The following ZC3H7A variants were observed in gnomAD, a reference collection of about 807,000 sequenced individuals.
The protein encoded by ZC3H7A is zinc finger CCCH domain-containing protein 7A.
A neutral mutation model predicts 125.5 loss-of-function variants in ZC3H7A; 44 were observed. That is an observed-to-expected ratio of 0.35 (90% CI 0.28 to 0.45). ZC3H7A has a LOEUF of 0.45. Ranked by LOEUF, ZC3H7A falls within the 20% of genes least tolerant of loss-of-function variation. ZC3H7A has a pLI of 1.00. For missense variants in ZC3H7A, 977 were observed against 1,170.7 expected (o/e 0.83, Z 2.41); for synonymous variants, 399 against 391.2 (o/e 1.02, Z -0.23).
chr16:11,781,374 G>A (rs773755901), intron 3 of ZC3H7A, 51 bp downstream of exon 3: 1 of 1,574,534 alleles, frequency 6.4e-7, no homozygotes, highest in Admixed American at 1.7e-5. Context: ...ACAAATTACA[G>A]TTCACAAGCC....
chr16:11,755,303 C>T (rs1015127715), intron 21 of ZC3H7A, among the ~76,000 whole-genome samples: 1 of 151,348 alleles, frequency 6.6e-6, no homozygotes, highest in Non-Finnish European at 1.5e-5. Context: ...GGGAGGGGAA[C>T]ATATGGGGTT....
chr16:11,795,826 T>G (rs2053428039), intron 1 of ZC3H7A, among the ~76,000 whole-genome samples: 1 of 152,150 alleles, frequency 6.6e-6, no homozygotes, highest in South Asian at 2.1e-4. Context: ...TTTTATTTGT[T>G]TGTTTTGAGA....
chr16:11,752,790 C>G lies in ZC3H7A; in HGVS notation c.2605G>C (p.Glu869Gln). 1 of 1,613,906 alleles carries G rather than the reference C, an allele frequency of 6.2e-7. No individual in the cohort carries two copies. The highest frequency in any genetic ancestry group is 8.5e-7 in the Non-Finnish European group (1 of 1,179,972). Reference protein sequence around the residue: ...CWMCGKNCNSEKQWQGHISSE... With the variant: ...CWMCGKNCNSQKQWQGHISSE... ...GAGATGTGGCCCTGCCACTGCTTCT[C>G]ACTGTTGCAGTTTTTCCCACACATC... is the stretch of plus-strand genomic sequence containing the variant. Residue 869 changes from glutamate to glutamine, a missense_variant, in exon 22 of 23, where the codon GAG becomes CAG. Physicochemically the swap from Glu to Gln is conservative, Grantham distance 29. Transcript: ENST00000355758.
rs2053087244 is a variant in ZC3H7A at position 11,776,743 on chromosome 16, T to G, written c.465+8A>C. 1.9e-6 allele frequency: 3 copies of G among 1,590,108 alleles called. No individual in the cohort carries two copies. Among genetic ancestry groups the G allele is most frequent in the Non-Finnish European group, 2.6e-6 (3 of 1,173,282 alleles). On this transcript the variant is annotated splice_region_variant and intron_variant, in intron 5 of 22. Transcript: ENST00000355758. Reference sequence around the variant, plus strand: ...ACGATGTAAACAAATAAACTATAAATTCCATACCTGAGGCACTGCTAAGGA... The same window carrying G: ...ACGATGTAAACAAATAAACTATAAAGTCCATACCTGAGGCACTGCTAAGGA...
intron 11 of ZC3H7A, among the ~76,000 whole-genome samples, 175 bp downstream of exon 11, chr16:11,768,856 G>A (rs928871297): frequency 2.6e-5 from 4 of 152,078 alleles, no homozygotes; most frequent in Non-Finnish European, 5.9e-5. Context: ...GACAGATCAA[G>A]TCTTAAACAC....
chr16:11,779,385 C>G, intron 3 of ZC3H7A, 22 bp from the exon 4 acceptor site: 1 of 1,596,538 alleles, frequency 6.3e-7, no homozygotes, highest in Non-Finnish European at 8.5e-7. Flanking sequence ...AAAGTTACCA[C>G]TTGAAGCCTT....
chr16:11,763,471 A>G lies in ZC3H7A; in HGVS notation c.2002+7T>C. 9.4e-6 allele frequency: 15 copies of G among 1,592,524 alleles called. No individual in the cohort carries two copies. The highest frequency in any genetic ancestry group is 1.3e-5 in the Non-Finnish European group (15 of 1,167,680). On this transcript the variant is annotated splice_region_variant and intron_variant, in intron 16 of 22. Transcript: ENST00000355758. Reference sequence around the variant, plus strand: ...GAGACATACTTCTCAGTCGCACTCAAACCTACCTGTTTCATTTTGCATTAT... The same window carrying G: ...GAGACATACTTCTCAGTCGCACTCAGACCTACCTGTTTCATTTTGCATTAT...
At chr16:11,796,026 TCTCA>T (rs968832036) in intron 1 of ZC3H7A, among the ~76,000 whole-genome samples, 10 of 152,044 alleles carry the variant, frequency 6.6e-5, no homozygotes, top group African/African-American at 2.2e-4. Context: ...GAGACAGGGG[TCTCA>T]CTATGTTGCT....
At position 11,751,464 on chromosome 16, in the gene ZC3H7A, A is replaced by C; in HGVS notation, c.2769T>G (p.Phe923Leu). Residue 923 changes from phenylalanine (F) to leucine (L), a missense_variant, in exon 23 of 23, where the codon TTT becomes TTG. Phe to Leu is a conservative substitution (Grantham distance 22). This residue lies in a region of ZC3H7A where 436 missense variants were observed against 603.2 expected (regional missense o/e 0.72). Transcript: ENST00000355758. The part of the protein sequence containing the change: ...GTCPEGNSCK[F>L]AHGNAELHEW... ...CATGAAGTTCGGCATTTCCATGTGC[A>C]AATTTACAGCTGTTTCCTTCTGGGC... 6.2e-7 allele frequency: 1 copy of C among 1,614,162 alleles called. No homozygotes were observed. Among genetic ancestry groups the C allele is most frequent in the Non-Finnish European group, 8.5e-7 (1 of 1,180,028 alleles).
rs2052570820 is a variant in ZC3H7A at position 11,752,589 on chromosome 16, G to C, written c.2726+80C>G. 3 of 1,516,978 alleles carry C rather than the reference G, an allele frequency of 2.0e-6. No homozygotes were observed. The South Asian group carries it at 3.8e-5, about 19-fold the overall frequency. 94.0% of individuals were successfully genotyped at this position (1,516,978 alleles called of 1,614,324 possible). On this transcript the variant is annotated intron_variant, in intron 22 of 22. Coordinates refer to ENST00000355758, the MANE Select transcript of ZC3H7A (RefSeq NM_014153.4). Reference sequence around the variant, plus strand: ...GCAACATTAGAACTTTAACACCCAGGTATTCCGTGTCAGCTGACATGTCCA... The same window carrying C: ...GCAACATTAGAACTTTAACACCCAGCTATTCCGTGTCAGCTGACATGTCCA...
Position 11,756,627 on chromosome 16 carries a change from G to A in ZC3H7A, c.2429-257C>T, listed in dbSNP as rs181561606. Reference sequence around the variant, plus strand: ...AATTAACCCCTCCCTGCATTTGCACGACACTTTGGGGATGTTTAAAACTCA... The same window carrying A: ...AATTAACCCCTCCCTGCATTTGCACAACACTTTGGGGATGTTTAAAACTCA... On this transcript the variant is annotated intron_variant, in intron 20 of 22. Coordinates refer to ENST00000355758, the MANE Select transcript of ZC3H7A (RefSeq NM_014153.4). Among the ~76,000 whole-genome samples the A allele has an allele frequency of 1.5e-3, 235 of 152,256 alleles. 2 individuals are homozygous for A. Among genetic ancestry groups the A allele is most frequent in the African/African-American group, 5.4e-3 (223 of 41,532 alleles).
chr16:11,758,358 C>T (rs1375013302), intron 20 of ZC3H7A, 73 bp downstream of exon 20: 2 of 1,096,462 alleles, frequency 1.8e-6, no homozygotes, highest in Non-Finnish European at 2.8e-6. Context: ...TCACAGGAAG[C>T]TGGCATATTT....
chr16:11,771,215 C>T (rs935063460), intron 9 of ZC3H7A, among the ~76,000 whole-genome samples: 1 of 152,108 alleles, frequency 6.6e-6, no homozygotes. Flanking sequence ...CGGTGAAACT[C>T]CATCTCCACT....
intron 11 of ZC3H7A, 105 bp downstream of exon 11, chr16:11,768,926 C>G: frequency 1.7e-6 from 2 of 1,169,692 alleles, no homozygotes; most frequent in Non-Finnish European, 2.4e-6. Flanking sequence ...CTGCAGCACA[C>G]ACAAAATTTA....
chr16:11,760,209 T>C (rs2141166761), intron 19 of ZC3H7A, among the ~76,000 whole-genome samples: 1 of 151,358 alleles, frequency 6.6e-6, no homozygotes, highest in Non-Finnish European at 1.5e-5. Flanking sequence ...TAAGCTACTG[T>C]AATGTTGCAC....
chr16:11,779,845 A>T (rs1223319094), intron 3 of ZC3H7A, among the ~76,000 whole-genome samples: 1 of 149,588 alleles, frequency 6.7e-6, no homozygotes, highest in Non-Finnish European at 1.5e-5. Context: ...ACCAATTTCT[A>T]GGTGGAAAAT....
In ZC3H7A at chr16:11,761,431, T is replaced by C; in HGVS notation, c.2294A>G (p.Lys765Arg). 1 of 1,614,146 alleles carries C rather than the reference T, an allele frequency of 6.2e-7. No homozygotes were observed. The highest frequency in any genetic ancestry group is 8.5e-7 in the Non-Finnish European group (1 of 1,180,004). ...ATCAAACTGTAAAGGCATTTGTTTC[T>C]TTGTGGGGAGAGGACGGATGTTCAT... Reference protein sequence around the residue: ...KWMNIRPLPTKKQMPLQFDLC... With the variant: ...KWMNIRPLPTRKQMPLQFDLC... The change falls in exon 19 of 23, where the codon AAG (lysine) becomes AGG (arginine). Residue 765 changes from lysine (K) to arginine (R), a missense_variant. Lys to Arg is a conservative substitution (Grantham distance 26). This residue lies in a region of ZC3H7A where 436 missense variants were observed against 603.2 expected (regional missense o/e 0.72). Transcript: ENST00000355758.
intron 19 of ZC3H7A, chr16:11,759,653 G>A (rs1341036642): frequency 6.6e-6 from 1 of 152,236 alleles, no homozygotes; most frequent in African/African-American, 2.4e-5. Flanking sequence ...TGTGCCAGGT[G>A]TTTACATAAC....
chr16:11,752,622 T>G (rs757282770), intron 22 of ZC3H7A, 47 bp downstream of exon 22: 3 of 1,578,904 alleles, frequency 1.9e-6, no homozygotes, highest in African/African-American at 1.4e-5. Flanking sequence ...CCATGAAAAT[T>G]TGAGGTCAGC....
Sources: allele counts gnomAD v4.1 joint callset (sites outside exome capture counted in the v4.1 genomes callset), GRCh38; gene constraint gnomAD v4.1.1; regional missense constraint gnomAD v4.1.1; transcripts MANE v1.5; gene names NCBI Gene and HGNC (gene_info 2026-07-23, HGNC 2026-07-21).